Variants in TSPAN13 observed in about 807,000 individuals in gnomAD.
TSPAN13 encodes the protein tetraspanin-13.
A neutral mutation model predicts 26.9 loss-of-function variants in TSPAN13; 18 were observed. The observed-to-expected ratio is 0.67, with a 90% CI of 0.46 to 0.99. TSPAN13 has a LOEUF of 0.99. TSPAN13 is among the 50% of genes least tolerant of loss of function. The probability of loss-of-function intolerance (pLI) is 0.00; values close to 1 mark genes in which losing one functional copy is unlikely to be tolerated. For synonymous variants in TSPAN13, 116 were observed against 98.4 expected (o/e 1.18, Z -1.06); for missense variants, 201 against 249.6 (o/e 0.81, Z 1.31).
intron 1 of TSPAN13, among the ~76,000 whole-genome samples, chr7:16,759,291 G>C (rs1421562052): frequency 6.6e-6 from 1 of 152,212 alleles, no homozygotes; most frequent in Non-Finnish European, 1.5e-5. Context: ...AGGAAGCATA[G>C]TGCTGGCATC....
intron 4 of TSPAN13, among the ~76,000 whole-genome samples, chr7:16,778,372 CTGGCTTTAAATATCCATTTAG>C (rs1264338943): frequency 3.9e-5 from 6 of 152,228 alleles, no homozygotes; most frequent in Admixed American, 6.5e-5. Flanking sequence ...TAGAAACACA[CTGGCTTTAAATATCCATTTAG>C]TGGCTTTAAA....
At chr7:16,759,177 G>A (rs77723687) in intron 1 of TSPAN13, among the ~76,000 whole-genome samples, 5 of 152,148 alleles carry the variant, frequency 3.3e-5, no homozygotes, top group Non-Finnish European at 7.3e-5. Flanking sequence ...GGCCTGCATG[G>A]AAAGAAAACA....
chr7:16,768,203 C>T (rs551728294), intron 1 of TSPAN13, among the ~76,000 whole-genome samples: 4 of 152,310 alleles, frequency 2.6e-5, no homozygotes, highest in South Asian at 4.1e-4. Flanking sequence ...CGTGAGCCAC[C>T]GCACCTGGCC....
At chr7:16,781,180 T>C (rs1490425342) in intron 5 of TSPAN13, among the ~76,000 whole-genome samples, 2 of 152,140 alleles carry the variant, frequency 1.3e-5, no homozygotes, top group South Asian at 2.1e-4. Flanking sequence ...CTTGAGAAAC[T>C]ACAAAAAATT....
chr7:16,754,138 C>G, intron 1 of TSPAN13, 108 bp downstream of exon 1: 5 of 1,059,214 alleles, frequency 4.7e-6, no homozygotes, highest in African/African-American at 3.8e-5. Context: ...CCCGCGCCCC[C>G]TTCCCGGCTT....
chr7:16,771,062 T>G (rs706063), intron 1 of TSPAN13, among the ~76,000 whole-genome samples: 2 of 151,958 alleles, frequency 1.3e-5, no homozygotes, highest in African/African-American at 2.4e-5. Flanking sequence ...AGCTCTGCTA[T>G]GAAACCTAAA....
chr7:16,759,193 C>T (rs746851208), intron 1 of TSPAN13, among the ~76,000 whole-genome samples: 8 of 152,052 alleles, frequency 5.3e-5, no homozygotes, highest in Middle Eastern at 3.2e-3. Context: ...AAACAGTGTA[C>T]GAAAGGTGTT....
intron 1 of TSPAN13, among the ~76,000 whole-genome samples, chr7:16,761,527 C>T (rs1458045105): frequency 6.6e-6 from 1 of 151,232 alleles, no homozygotes; most frequent in Non-Finnish European, 1.5e-5. Context: ...GCTTTGTTTT[C>T]TTTTTTTTAG....
intron 1 of TSPAN13, among the ~76,000 whole-genome samples, chr7:16,772,410 AC>A (rs1562519755): frequency 6.6e-6 from 1 of 152,154 alleles, no homozygotes; most frequent in Non-Finnish European, 1.5e-5. Context: ...AGTCCTGGAG[AC>A]CAGAAGTCCA....
chr7:16,769,228 A>G (rs75032121), intron 1 of TSPAN13, among the ~76,000 whole-genome samples: 1,670 of 152,312 alleles, frequency 0.011, 22 homozygotes, highest in African/African-American at 0.037. Context: ...AATATATCCA[A>G]AATATGTAGA....
At chr7:16,774,536 G>A (rs1784718542) in intron 1 of TSPAN13, among the ~76,000 whole-genome samples, 1 of 152,210 alleles carries the variant, frequency 6.6e-6, no homozygotes, top group East Asian at 1.9e-4. Flanking sequence ...AAGCTCACTT[G>A]TGAAGGGGCA....
intron 1 of TSPAN13, among the ~76,000 whole-genome samples, chr7:16,769,671 T>C (rs1357394448): frequency 6.6e-6 from 1 of 152,192 alleles, no homozygotes; most frequent in Non-Finnish European, 1.5e-5. Flanking sequence ...TTAATTTTTT[T>C]TTGATTTTTT....
intron 1 of TSPAN13, among the ~76,000 whole-genome samples, chr7:16,761,550 A>C (rs115630410): frequency 0.019 from 2,817 of 151,856 alleles, 80 homozygotes; most frequent in African/African-American, 0.064. Flanking sequence ...GCAGGGTCTC[A>C]CTCTGTCACT....
chr7:16,775,576 G>A (rs1784733005), intron 1 of TSPAN13, among the ~76,000 whole-genome samples: 1 of 152,128 alleles, frequency 6.6e-6, no homozygotes, highest in African/African-American at 2.4e-5. Context: ...TATTCCCCAG[G>A]GACCCGGTCT....
At chr7:16,769,326 T>G (rs1283778744) in intron 1 of TSPAN13, among the ~76,000 whole-genome samples, 2 of 152,196 alleles carry the variant, frequency 1.3e-5, no homozygotes, top group Non-Finnish European at 2.9e-5. Flanking sequence ...CAGGACTGAT[T>G]TGCCACCAGG....
intron 1 of TSPAN13, among the ~76,000 whole-genome samples, chr7:16,770,928 G>C (rs1407617254): frequency 6.6e-6 from 1 of 152,160 alleles, no homozygotes; most frequent in Non-Finnish European, 1.5e-5. Context: ...AAAACTTTTT[G>C]AAGAGACTGA....
At position 16,784,505 on chromosome 7, in the gene TSPAN13, A is replaced by G. The variant is rs1784850398; in HGVS notation, c.*1014A>G. On this transcript the variant is annotated 3_prime_UTR_variant, in exon 6 of 6. Coordinates refer to ENST00000262067, the MANE Select transcript of TSPAN13 (RefSeq NM_014399.4). ...TTCTTTGTGTATGCATGTTTGAATTAAAAGAAAGTAATGGAAGAATTGATC... is the reference window on the plus strand; with the variant it reads ...TTCTTTGTGTATGCATGTTTGAATTGAAAGAAAGTAATGGAAGAATTGATC... 6.6e-6 allele frequency: 1 copy of G among 152,210 alleles called. No homozygotes were observed. The highest frequency in any genetic ancestry group is 6.5e-5 in the Admixed American group (1 of 15,284). The allele number at this position is 152,210 out of a possible 1,614,324, so 9.4% of individuals were successfully genotyped here. A position where few individuals can be genotyped will look rare whatever the true frequency, so the allele number is the denominator to read the frequency against.
chr7:16,784,201 A>G lies in TSPAN13; in HGVS notation c.*710A>G, dbSNP rs1784846243. 1 of 152,636 alleles carries G rather than the reference A, an allele frequency of 6.6e-6. No individual in the cohort carries two copies. Among genetic ancestry groups the G allele is most frequent in the African/African-American group, 2.4e-5 (1 of 41,458 alleles). 9.5% of individuals were successfully genotyped at this position (152,636 alleles called of 1,614,324 possible). ...AGAATGGAACGAGTTTTGAGTAATC[A>G]GGAAGTATATCTATATGATCTTGAT... On this transcript the variant is annotated 3_prime_UTR_variant, in exon 6 of 6. Transcript: ENST00000262067.
intron 1 of TSPAN13, among the ~76,000 whole-genome samples, chr7:16,775,508 T>C (rs932428964): frequency 6.6e-6 from 1 of 152,242 alleles, no homozygotes; most frequent in Admixed American, 6.5e-5. Flanking sequence ...TTTAATAAAA[T>C]AGATGATGAC....
Sources: gnomAD v4.1 joint callset for allele counts (sites outside exome capture counted in the v4.1 genomes callset) on GRCh38, gnomAD v4.1.1 for gene constraint, MANE v1.5 for transcripts, NCBI Gene and HGNC (gene_info 2026-07-23, HGNC 2026-07-21) for gene names.